KRT77: variants seen among roughly 807,000 people sequenced by gnomAD.
KRT77 encodes the protein keratin, type II cytoskeletal 1b.
A neutral mutation model predicts 51.5 loss-of-function variants in KRT77; 44 were observed. The ratio of observed to expected loss-of-function variants is 0.85; its 90% confidence interval spans 0.67 to 1.10. The LOEUF (loss-of-function observed/expected upper bound fraction) is 1.10. Among genes scored for constraint, KRT77 ranks in the 50% least tolerant of loss-of-function variants. KRT77 has a pLI of 0.00. For synonymous variants in KRT77, 293 were observed against 302.0 expected (o/e 0.97, Z 0.31); for missense variants, 763 against 743.9 (o/e 1.03, Z -0.30).
chr12:52,691,657 A>G (rs1356540982), intron 8 of KRT77, among the ~76,000 whole-genome samples: 1 of 152,242 alleles, frequency 6.6e-6, no homozygotes, highest in Non-Finnish European at 1.5e-5. Flanking sequence ...TACATTGTTT[A>G]TTGAATATGT....
At position 52,695,802 on chromosome 12, in the gene KRT77, C is replaced by T. The variant is rs781316225; in HGVS notation, c.885G>A (p.Glu295=). The change falls in exon 4 of 9, where the codon GAG becomes GAA. Residue 295 remains glutamate, a synonymous_variant. Transcript: ENST00000341809. ...LESRVDTLTG[E]VNFLKYLFLT... ...AAAATAAATATTTCAAGAAATTGAC[C>T]TCCCCAGTCAGAGTGTCCACCCTGG... 6 of 1,613,772 alleles carry T rather than the reference C, an allele frequency of 3.7e-6. No individual in the cohort carries two copies. Among genetic ancestry groups the T allele is most frequent in the Admixed American group, 1.7e-5 (1 of 60,024 alleles).
intron 1 of KRT77, chr12:52,698,114 A>G (rs1941827870): frequency 6.8e-7 from 1 of 1,460,032 alleles, no homozygotes; most frequent in East Asian, 2.9e-5. Context: ...TAAAATTGAC[A>G]CTAAGCTCAC....
Position 52,691,222 on chromosome 12 carries a change from C to A in KRT77, c.1680G>T (p.Ser560=). ...GGSGRSGRGS[S]RVQIIQTSTN... is the part of the protein sequence containing the mutation. ...TGGAGGTCTGGATGATCTGCACGCGCGAGGATCCGCGGCCGCTTCTGCCGC... is the reference window on the plus strand; with the variant it reads ...TGGAGGTCTGGATGATCTGCACGCGAGAGGATCCGCGGCCGCTTCTGCCGC... The change falls in exon 9 of 9, where the codon TCG becomes TCT. Residue 560 remains serine, a synonymous_variant. Coordinates refer to ENST00000341809, the MANE Select transcript of KRT77 (RefSeq NM_175078.3). 1 of 1,613,988 alleles carries A rather than the reference C, an allele frequency of 6.2e-7. No individual in the cohort carries two copies. Among genetic ancestry groups the A allele is most frequent in the Non-Finnish European group, 8.5e-7 (1 of 1,179,954 alleles).
rs1430285556 is a variant in KRT77, at chr12:52,691,220, C to A, written c.1682G>T (p.Arg561Leu). The A allele has an allele frequency of 1.9e-6, 3 of 1,613,894 alleles. No homozygotes were observed. In the African/African-American group the frequency reaches 4.0e-5, roughly 22 times the overall value. The change falls in exon 9 of 9, where the codon CGC (arginine) becomes CTC (leucine). Residue 561 changes from arginine (R) to leucine (L), a missense_variant. By Grantham distance (102) the Arg-to-Leu change is moderately radical. Transcript: ENST00000341809. ...GSGRSGRGSSRVQIIQTSTNT... is the reference protein window; with the variant it reads ...GSGRSGRGSSLVQIIQTSTNT... Reference sequence around the variant, plus strand: ...GGTGGAGGTCTGGATGATCTGCACGCGCGAGGATCCGCGGCCGCTTCTGCC... The same window carrying A: ...GGTGGAGGTCTGGATGATCTGCACGAGCGAGGATCCGCGGCCGCTTCTGCC...
chr12:52,692,690 T>C (rs754294943), intron 6 of KRT77, 49 bp from the exon 7 acceptor site: 3 of 1,594,090 alleles, frequency 1.9e-6, no homozygotes, highest in Non-Finnish European at 1.7e-6. Flanking sequence ...TTTCCAGAGC[T>C]CGATCTGGCA....
At chr12:52,694,869 C>G in intron 4 of KRT77, 79 bp from the exon 5 acceptor site, 3 of 1,327,322 alleles carry the variant, frequency 2.3e-6, no homozygotes, top group Non-Finnish European at 3.0e-6. Flanking sequence ...TCCCTCAAGG[C>G]TCTCGGGGGA....
At chr12:52,696,171 G>A (rs1380606766) in intron 3 of KRT77, among the ~76,000 whole-genome samples, 199 bp downstream of exon 3, 1 of 152,136 alleles carries the variant, frequency 6.6e-6, no homozygotes, top group African/African-American at 2.4e-5. Context: ...CAGGACCCCA[G>A]AGAGATACGA....
Position 52,697,911 on chromosome 12 carries a change from C to A in KRT77, c.544-15G>T, listed in dbSNP as rs760488265. On this transcript the variant is annotated splice_polypyrimidine_tract_variant and intron_variant, in intron 1 of 8. Coordinates refer to ENST00000341809, the MANE Select transcript of KRT77 (RefSeq NM_175078.3). ...AGGAATCGCACCTAAGAGCAAGAGA[C>A]CCCAGTCCACCCCAGGCCATGGATC... 22 of 1,608,004 alleles carry A rather than the reference C, an allele frequency of 1.4e-5. No homozygotes were observed. Among genetic ancestry groups the A allele is most frequent in the East Asian group, 4.5e-5 (2 of 44,834 alleles).
chr12:52,702,851 G>A, intron 1 of KRT77, 41 bp downstream of exon 1: 1 of 1,597,894 alleles, frequency 6.3e-7, no homozygotes, highest in African/African-American at 1.3e-5. Flanking sequence ...TCAGTCATTT[G>A]GTCAGTGACC....
rs771143626 is a variant in KRT77 at position 52,703,109 on chromosome 12, C to A, written c.326G>T (p.Gly109Val). 65 of 1,612,582 alleles carry A rather than the reference C, an allele frequency of 4.0e-5. No homozygotes were observed. Among genetic ancestry groups the A allele is most frequent in the Non-Finnish European group, 5.2e-5 (61 of 1,179,030 alleles). ...VGSTGAGGFG[G>V]GGFGGAGFGT... ...AAATCCAGCACCCCCAAAACCACCT[C>A]CTCCAAAGCCACCAGCCCCGGTGCT... The change falls in exon 1 of 9, where the codon GGA becomes GTA. Residue 109 changes from glycine (G) to valine (V), a missense_variant. Transcript: ENST00000341809.
intron 8 of KRT77, 147 bp from the exon 9 acceptor site, chr12:52,691,586 C>G: frequency 1.0e-6 from 1 of 979,800 alleles, no homozygotes; most frequent in Non-Finnish European, 1.5e-6. Flanking sequence ...GAAAGTGTTC[C>G]TACTTGAAAA....
At chr12:52,702,844 G>A (rs746184783) in intron 1 of KRT77, 48 bp downstream of exon 1, 1 of 1,586,338 alleles carries the variant, frequency 6.3e-7, no homozygotes, top group South Asian at 1.1e-5. Flanking sequence ...ATCTCTCTCA[G>A]TCATTTGGTC....
At chr12:52,702,664 C>T (rs1262905462) in intron 1 of KRT77, among the ~76,000 whole-genome samples, 1 of 151,856 alleles carries the variant, frequency 6.6e-6, no homozygotes, top group Admixed American at 6.6e-5. Context: ...GGGTACTACA[C>T]CATGTATCTG....
At chr12:52,698,319 A>G in intron 1 of KRT77, 1 of 488,158 alleles carries the variant, frequency 2.0e-6, no homozygotes, top group East Asian at 6.9e-5. Context: ...AGAGAGAAGG[A>G]TCAATTTGGC....
intron 8 of KRT77, 47 bp downstream of exon 8, chr12:52,691,891 C>T (rs1941714980): frequency 6.2e-7 from 1 of 1,611,686 alleles, no homozygotes; most frequent in Non-Finnish European, 8.5e-7. Context: ...GCCCTCCCTC[C>T]ACCCAGCACC....
rs758959331 is a variant in KRT77 at position 52,703,080 on chromosome 12, T to C, written c.355A>G (p.Thr119Ala). The C allele has an allele frequency of 4.3e-6, 7 of 1,613,260 alleles. No individual in the cohort carries two copies. Among genetic ancestry groups the C allele is most frequent in the African/African-American group, 2.7e-5 (2 of 74,598 alleles). Residue 119 changes from threonine (T) to alanine (A), a missense_variant, in exon 1 of 9, where the codon ACT becomes GCT. By Grantham distance (58) the Thr-to-Ala change is moderately conservative. Coordinates refer to ENST00000341809, the MANE Select transcript of KRT77 (RefSeq NM_175078.3). Reference protein sequence around the residue: ...GGGFGGAGFGTSNFGLGGFGP... With the variant: ...GGGFGGAGFGASNFGLGGFGP... ...AAGCCCCCAAGCCCAAAATTGCTAG[T>C]CCCAAATCCAGCACCCCCAAAACCA...
intron 1 of KRT77, among the ~76,000 whole-genome samples, chr12:52,699,146 G>A (rs140605583): frequency 5.3e-4 from 80 of 152,300 alleles, no homozygotes; most frequent in Middle Eastern, 6.8e-3. Context: ...TCACAACACC[G>A]TGAGAAATTC....
Position 52,691,035 on chromosome 12 carries a change from A to T in KRT77, c.*130T>A. 2.2e-6 allele frequency: 3 copies of T among 1,381,916 alleles called. No individual in the cohort carries two copies. Among genetic ancestry groups the T allele is most frequent in the Non-Finnish European group, 3.0e-6 (3 of 994,142 alleles). 85.6% of individuals were successfully genotyped at this position (1,381,916 alleles called of 1,614,324 possible). A position where few individuals can be genotyped will look rare whatever the true frequency, so the allele number is the denominator to read the frequency against. On this transcript the variant is annotated 3_prime_UTR_variant, in exon 9 of 9. Coordinates refer to ENST00000341809, the MANE Select transcript of KRT77 (RefSeq NM_175078.3). ...CACCCTGCTTCCCCCATTAGAGTCG[A>T]ATTTATTGGCAAAATTGCTGAGACC...
chr12:52,699,864 G>A (rs1413488145), intron 1 of KRT77, among the ~76,000 whole-genome samples: 1 of 152,150 alleles, frequency 6.6e-6, no homozygotes, highest in Non-Finnish European at 1.5e-5. Context: ...TGTTCTCCAG[G>A]GGACACAGTG....
Sources: gnomAD v4.1 joint callset for allele counts (sites outside exome capture counted in the v4.1 genomes callset) on GRCh38, gnomAD v4.1.1 for gene constraint, MANE v1.5 for transcripts, NCBI Gene and HGNC (gene_info 2026-07-23, HGNC 2026-07-21) for gene names.